Variants in MSRA observed in about 807,000 individuals in gnomAD.
The protein encoded by MSRA is mitochondrial peptide methionine sulfoxide reductase.
Under a neutral mutation model 31.3 loss-of-function variants are expected in MSRA, and 54 were observed. The observed-to-expected ratio is 1.73, with a 90% CI of 1.39 to 2.17. The LOEUF is 2.17. Among genes scored for constraint, MSRA ranks in the 30% most tolerant of loss-of-function variants. The pLI, the probability that MSRA is intolerant of heterozygous loss-of-function variation, is 0.00. For synonymous variants in MSRA, 169 were observed against 116.5 expected, an observed-to-expected ratio of 1.45 and a Z score of -2.90; for missense variants, 507 against 300.9, an observed-to-expected ratio of 1.69 and a Z score of -5.07.
chr8:10,125,942 A>C (rs538433713), intron 1 of MSRA, among the ~76,000 whole-genome samples: 1 of 152,338 alleles, frequency 6.6e-6, no homozygotes, highest in Non-Finnish European at 1.5e-5. Context: ...GGCGTTGGTC[A>C]CAACTTTTAT....
At chr8:10,081,772 C>T (rs1335269031) in intron 1 of MSRA, among the ~76,000 whole-genome samples, 1 of 152,156 alleles carries the variant, frequency 6.6e-6, no homozygotes, top group Non-Finnish European at 1.5e-5. Flanking sequence ...GATGGGATTA[C>T]AGGTGTGAGC....
At chr8:10,275,320 A>T (rs1400125094) in intron 3 of MSRA, among the ~76,000 whole-genome samples, 2 of 152,184 alleles carry the variant, frequency 1.3e-5, no homozygotes, top group Admixed American at 6.5e-5. Flanking sequence ...TAAGCAGAAG[A>T]GCTTAAATGA....
At chr8:10,402,612 G>A (rs995017100) in intron 5 of MSRA, among the ~76,000 whole-genome samples, 2 of 152,224 alleles carry the variant, frequency 1.3e-5, no homozygotes, top group Non-Finnish European at 2.9e-5. Context: ...CTAGCTCGGG[G>A]AGAGGGATAG....
chr8:10,075,069 T>A (rs577047112), intron 1 of MSRA, among the ~76,000 whole-genome samples: 1 of 152,372 alleles, frequency 6.6e-6, no homozygotes, highest in African/African-American at 2.4e-5. Context: ...ACTACTCATT[T>A]GGTATGCATT....
At chr8:10,123,964 A>G (rs1238585548) in intron 1 of MSRA, among the ~76,000 whole-genome samples, 1 of 151,382 alleles carries the variant, frequency 6.6e-6, no homozygotes, top group Non-Finnish European at 1.5e-5. Context: ...GGAAGTCTCG[A>G]TGAGATCAGG....
At chr8:10,186,730 G>A (rs1012266761) in intron 1 of MSRA, among the ~76,000 whole-genome samples, 3 of 152,204 alleles carry the variant, frequency 2.0e-5, no homozygotes, top group Non-Finnish European at 4.4e-5. Flanking sequence ...GGCTGTGATG[G>A]GTGGGGCGGG....
chr8:10,224,095 A>C (rs1300267638), intron 2 of MSRA, among the ~76,000 whole-genome samples: 1 of 152,172 alleles, frequency 6.6e-6, no homozygotes, highest in Non-Finnish European at 1.5e-5. Flanking sequence ...TAAATGGTGT[A>C]GAATATGTAC....
At chr8:10,417,222 G>A (rs1408303640) in intron 5 of MSRA, among the ~76,000 whole-genome samples, 2 of 152,102 alleles carry the variant, frequency 1.3e-5, no homozygotes, top group African/African-American at 4.8e-5. Context: ...CTCCGATGGG[G>A]GCTTGTAAAG....
chr8:10,073,859 ACTT>A (rs1406009388), intron 1 of MSRA, among the ~76,000 whole-genome samples: 14 of 151,870 alleles, frequency 9.2e-5, no homozygotes, highest in South Asian at 6.2e-4. Flanking sequence ...CTTTCATTTC[ACTT>A]CTTCTTGACC....
chr8:10,055,485 C>A (rs904626088), intron 1 of MSRA, among the ~76,000 whole-genome samples: 1 of 152,216 alleles, frequency 6.6e-6, no homozygotes, highest in African/African-American at 2.4e-5. Context: ...TCTCAGAGTG[C>A]CCCCACCTGC....
intron 5 of MSRA, among the ~76,000 whole-genome samples, chr8:10,392,351 G>A (rs17709397): frequency 0.39 from 58,978 of 152,006 alleles, 12,672 homozygotes; most frequent in Non-Finnish European, 0.5. Flanking sequence ...CATAGAGGCT[G>A]ACTCCCTCCA....
Position 10,081,460 on chromosome 8 carries a change from A to G in MSRA, c.142+26802A>G, listed in dbSNP as rs145258701. Among the ~76,000 whole-genome samples, 634 of 152,178 alleles carry G rather than the reference A, an allele frequency of 4.2e-3. 4 individuals carry two copies. The highest frequency in any genetic ancestry group is 0.011 in the South Asian group (52 of 4,808). The stretch of plus-strand genomic sequence containing the variant: ...CGCCTCAAGGTTCGGGCATCTCCAG[A>G]TGCTACCTCTTTTTCACACTGAATT... On this transcript the variant is annotated intron_variant, in intron 1 of 5. Transcript: ENST00000317173.
At chr8:10,368,054 C>T (rs948886434) in intron 5 of MSRA, among the ~76,000 whole-genome samples, 4 of 152,050 alleles carry the variant, frequency 2.6e-5, no homozygotes, top group South Asian at 2.1e-4. Flanking sequence ...CCCTGCCCCG[C>T]GAAGGAATGA....
chr8:10,289,096 A>G (rs957123968), intron 3 of MSRA, among the ~76,000 whole-genome samples: 1 of 151,620 alleles, frequency 6.6e-6, no homozygotes, highest in African/African-American at 2.4e-5. Context: ...GCTCACTGCA[A>G]CCTCTGCCTC....
At chr8:10,307,330 C>T (rs142051388) in intron 4 of MSRA, among the ~76,000 whole-genome samples, 3 of 152,064 alleles carry the variant, frequency 2.0e-5, no homozygotes, top group Non-Finnish European at 4.4e-5. Context: ...CCATGCCCAA[C>T]TTATTTTTTG....
At chr8:10,216,809 T>G (rs1183046617) in intron 2 of MSRA, among the ~76,000 whole-genome samples, 14 of 152,238 alleles carry the variant, frequency 9.2e-5, no homozygotes, top group Non-Finnish European at 2.1e-4. Flanking sequence ...CACCTGTCAA[T>G]CAATACTTGA....
At chr8:10,057,746 T>C (rs1038540972) in intron 1 of MSRA, among the ~76,000 whole-genome samples, 1 of 152,164 alleles carries the variant, frequency 6.6e-6, no homozygotes, top group Non-Finnish European at 1.5e-5. Context: ...CCTGCTCCTT[T>C]GTGTGGAGAT....
chr8:10,304,663 A>G (rs899844575), intron 4 of MSRA, among the ~76,000 whole-genome samples: 6 of 152,154 alleles, frequency 3.9e-5, no homozygotes, highest in Admixed American at 1.3e-4. Context: ...CTCACTCACC[A>G]CATCTGACCA....
chr8:10,134,832 A>C (rs1436987458), intron 1 of MSRA, among the ~76,000 whole-genome samples: 1 of 152,254 alleles, frequency 6.6e-6, no homozygotes, highest in East Asian at 1.9e-4. Context: ...TTTTCTGTTT[A>C]AATGTTGTTT....
Sources: gnomAD v4.1 joint callset for allele counts (sites outside exome capture counted in the v4.1 genomes callset) on GRCh38, gnomAD v4.1.1 for gene constraint, MANE v1.5 for transcripts, NCBI Gene and HGNC (gene_info 2026-07-23, HGNC 2026-07-21) for gene names.